Variants in TNFSF9 observed in about 807,000 individuals in gnomAD.
The protein encoded by TNFSF9 is TNF superfamily member 9, also known as tumor necrosis factor ligand superfamily member 9.
A neutral mutation model predicts 10.3 loss-of-function variants in TNFSF9; 10 were observed. That is an observed-to-expected ratio of 0.97 (90% CI 0.60 to 1.65). The LOEUF (loss-of-function observed/expected upper bound fraction) is 1.65. TNFSF9 is among the 40% of genes most tolerant of loss of function. The pLI, the probability that TNFSF9 is intolerant of heterozygous loss-of-function variation, is 0.00. For missense variants in TNFSF9, 361 were observed against 348.9 expected (o/e 1.03, Z -0.28); for synonymous variants, 195 against 176.1 (o/e 1.11, Z -0.85).
rs199791725 is a variant in TNFSF9 at position 6,531,208 on chromosome 19, G to A, written c.172G>A (p.Ala58Thr). The change falls in exon 1 of 3, where the codon GCT (alanine) becomes ACT (threonine). Residue 58 changes from alanine (A) to threonine (T), a missense_variant. Physicochemically the swap from Ala to Thr is moderately conservative, Grantham distance 58. Transcript: ENST00000245817. ...FLACPWAVSGARASPGSAASP... is the reference protein window; with the variant it reads ...FLACPWAVSGTRASPGSAASP... ...CGCCTGCCCCTGGGCCGTGTCCGGG[G>A]CTCGCGCCTCGCCCGGCTCCGCGGC... The A allele has an allele frequency of 2.4e-5, 37 of 1,543,826 alleles. No homozygotes were observed. The highest frequency in any genetic ancestry group is 3.2e-5 in the Non-Finnish European group (37 of 1,148,602).
Position 6,534,837 on chromosome 19 carries a change from T to C in TNFSF9, c.536T>C (p.Leu179Pro), listed in dbSNP as rs1384609222. Residue 179 changes from leucine to proline, a missense_variant, in exon 3 of 3, where the codon CTG becomes CCG. Transcript: ENST00000245817. Reference protein sequence around the residue: ...PLRSAAGAAALALTVDLPPAS... With the variant: ...PLRSAAGAAAPALTVDLPPAS... The stretch of plus-strand genomic sequence containing the variant: ...CGCTCTGCTGCTGGGGCCGCCGCCC[T>C]GGCTTTGACCGTGGACCTGCCACCC... 4 of 1,606,828 alleles carry C rather than the reference T, an allele frequency of 2.5e-6. No individual in the cohort carries two copies. Among genetic ancestry groups the C allele is most frequent in the South Asian group, 2.2e-5 (2 of 90,384 alleles).
chr19:6,534,639 C>T lies in TNFSF9; in HGVS notation c.338C>T (p.Pro113Leu), dbSNP rs377044973. 1.3e-6 allele frequency: 2 copies of T among 1,584,986 alleles called. No individual in the cohort carries two copies. Among genetic ancestry groups the T allele is most frequent in the Non-Finnish European group, 1.7e-6 (2 of 1,166,202 alleles). ...IDGPLSWYSD[P>L]GLAGVSLTGG... ...GGGCCCCTGAGCTGGTACAGTGACC[C>T]AGGCCTGGCAGGCGTGTCCCTGACG... The change falls in exon 3 of 3, where the codon CCA (proline) becomes CTA (leucine). Residue 113 changes from proline to leucine, a missense_variant. Coordinates refer to ENST00000245817, the MANE Select transcript of TNFSF9 (RefSeq NM_003811.4).
At chr19:6,534,503 T>G in intron 2 of TNFSF9, 97 bp from the exon 3 acceptor site, 1 of 1,160,368 alleles carries the variant, frequency 8.6e-7, no homozygotes, top group Non-Finnish European at 1.1e-6. Flanking sequence ...GACCCGTTCT[T>G]TTCTCCCAGG....
At chr19:6,532,526 C>T (rs1915171366) in intron 1 of TNFSF9, among the ~76,000 whole-genome samples, 1 of 134,244 alleles carries the variant, frequency 7.4e-6, no homozygotes. Flanking sequence ...TGTTTGCGTT[C>T]GTGTGTGTGT....
intron 2 of TNFSF9, 146 bp downstream of exon 2, chr19:6,532,962 C>G (rs1407451102): frequency 1.7e-6 from 2 of 1,172,468 alleles, no homozygotes; most frequent in Admixed American, 3.8e-5. Context: ...GCTACTTCCC[C>G]TCTTTGAACG....
At position 6,535,758 on chromosome 19, in the gene TNFSF9, G is replaced by A. The variant is rs1053104761; in HGVS notation, c.*692G>A. The A allele has an allele frequency of 2.6e-5, 4 of 152,062 alleles. No homozygotes were observed. Among genetic ancestry groups the A allele is most frequent in the Non-Finnish European group, 4.4e-5 (3 of 68,022 alleles). 9.4% of individuals were successfully genotyped at this position (152,062 alleles called of 1,614,324 possible). On this transcript the variant is annotated 3_prime_UTR_variant, in exon 3 of 3. Transcript: ENST00000245817. ...ATGCAGCCTCCAGCCTCGACCTCCC[G>A]AGGCTCAGGTGATCCTCCCATCTCA...
At position 6,534,892 on chromosome 19, in the gene TNFSF9, C is replaced by T. The variant is rs375425240; in HGVS notation, c.591C>T (p.Phe197=). Residue 197 remains phenylalanine, a synonymous_variant, in exon 3 of 3, where the codon TTC becomes TTT. Coordinates refer to ENST00000245817, the MANE Select transcript of TNFSF9 (RefSeq NM_003811.4). The part of the protein sequence containing the change: ...PASSEARNSA[F]GFQGRLLHLS... ...CCTCCGAGGCTCGGAACTCGGCCTT[C>T]GGTTTCCAGGGCCGCTTGCTGCACC... is the stretch of plus-strand genomic sequence containing the variant. 2.7e-5 allele frequency: 44 copies of T among 1,607,880 alleles called. No homozygotes were observed. Among genetic ancestry groups the T allele is most frequent in the East Asian group, 1.3e-4 (6 of 44,842 alleles).
intron 2 of TNFSF9, among the ~76,000 whole-genome samples, chr19:6,534,060 CTTCCT>C (rs1371869887): frequency 2.2e-5 from 1 of 45,030 alleles, no homozygotes; most frequent in Non-Finnish European, 7.1e-5. Context: ...CTCCCCTTTC[CTTCCT>C]TCTCTCCCTT....
rs372002196 is a variant in TNFSF9, at chr19:6,532,049, A to G, written c.268-737A>G. On this transcript the variant is annotated intron_variant, in intron 1 of 2. Coordinates refer to ENST00000245817, the MANE Select transcript of TNFSF9 (RefSeq NM_003811.4). ...GGGGGGAACCTTTTTTCCATCCCCG[A>G]TCCGAGGGGGGCACTTCCTCTTTAT... Among the ~76,000 whole-genome samples the G allele has an allele frequency of 4.4e-3, 670 of 152,088 alleles. 7 individuals are homozygous for G. Among genetic ancestry groups the G allele is most frequent in the African/African-American group, 0.015 (636 of 41,506 alleles).
intron 1 of TNFSF9, 94 bp downstream of exon 1, chr19:6,531,397 C>T: frequency 6.6e-6 from 9 of 1,362,980 alleles, no homozygotes; most frequent in Non-Finnish European, 8.5e-6. Flanking sequence ...CCCAGGGACA[C>T]CTGTTCTACA....
In TNFSF9 at chr19:6,534,943, C is replaced by A; in HGVS notation, c.642C>A (p.Val214=). 1 of 1,611,280 alleles carries A rather than the reference C, an allele frequency of 6.2e-7. No individual in the cohort carries two copies. Among genetic ancestry groups the A allele is most frequent in the Non-Finnish European group, 8.5e-7 (1 of 1,179,608 alleles). ...LHLSAGQRLG[V]HLHTEARARH... is the part of the protein sequence containing the mutation. ...TGAGTGCCGGCCAGCGCCTGGGCGT[C>A]CATCTTCACACTGAGGCCAGGGCAC... Residue 214 remains valine, a synonymous_variant, in exon 3 of 3, where the codon GTC becomes GTA. Coordinates refer to ENST00000245817, the MANE Select transcript of TNFSF9 (RefSeq NM_003811.4).
At position 6,534,766 on chromosome 19, in the gene TNFSF9, C is replaced by T. The variant is rs924891647; in HGVS notation, c.465C>T (p.Gly155=). 18 of 1,598,670 alleles carry T rather than the reference C, an allele frequency of 1.1e-5. No individual in the cohort carries two copies. Among genetic ancestry groups the T allele is most frequent in the East Asian group, 4.5e-5 (2 of 44,162 alleles). ...FQLELRRVVA[G]EGSGSVSLAL... The stretch of plus-strand genomic sequence containing the variant: ...TAGAGCTGCGGCGCGTGGTGGCCGG[C>T]GAGGGCTCAGGCTCCGTTTCACTTG... Residue 155 remains glycine, a synonymous_variant, in exon 3 of 3, where the codon GGC becomes GGT. Transcript: ENST00000245817.
At position 6,534,662 on chromosome 19, in the gene TNFSF9, A is replaced by C. The variant is rs906719413; in HGVS notation, c.361A>C (p.Thr121Pro). ...CCCAGGCCTGGCAGGCGTGTCCCTG[A>C]CGGGGGGCCTGAGCTACAAAGAGGA... is the stretch of plus-strand genomic sequence containing the variant. Reference protein sequence around the residue: ...SDPGLAGVSLTGGLSYKEDTK... With the variant: ...SDPGLAGVSLPGGLSYKEDTK... Residue 121 changes from threonine to proline, a missense_variant, in exon 3 of 3, where the codon ACG (threonine) becomes CCG (proline). Transcript: ENST00000245817. 1 of 1,590,434 alleles carries C rather than the reference A, an allele frequency of 6.3e-7. No homozygotes were observed. The highest frequency in any genetic ancestry group is 8.6e-7 in the Non-Finnish European group (1 of 1,169,130).
chr19:6,532,503 TTG>T (rs939690095), intron 1 of TNFSF9, among the ~76,000 whole-genome samples: 2 of 143,980 alleles, frequency 1.4e-5, no homozygotes, highest in Admixed American at 6.9e-5. Flanking sequence ...GTGTGGGTGT[TTG>T]TGTGTGTTTG....
At chr19:6,534,485 C>G (rs986362520) in intron 2 of TNFSF9, 115 bp from the exon 3 acceptor site, 2 of 1,058,282 alleles carry the variant, frequency 1.9e-6, no homozygotes, top group African/African-American at 3.3e-5. Context: ...CCCCGCCCCC[C>G]GGCCCCTGAC....
intron 1 of TNFSF9, 148 bp downstream of exon 1, chr19:6,531,451 A>G: frequency 8.4e-7 from 1 of 1,188,802 alleles, no homozygotes; most frequent in Admixed American, 4.0e-5. Flanking sequence ...CCCATTCTCC[A>G]TCTAGCACCG....
At position 6,534,986 on chromosome 19, in the gene TNFSF9, A is replaced by G; in HGVS notation, c.685A>G (p.Thr229Ala). ...CAGGGCACGCCATGCCTGGCAGCTT[A>G]CCCAGGGCGCCACAGTCTTGGGACT... ...EARARHAWQL[T>A]QGATVLGLFR... Residue 229 changes from threonine to alanine, a missense_variant, in exon 3 of 3, where the codon ACC (threonine) becomes GCC (alanine). Thr to Ala is a moderately conservative substitution (Grantham distance 58, BLOSUM62 0). Transcript: ENST00000245817. 1.2e-6 allele frequency: 2 copies of G among 1,610,402 alleles called. No individual in the cohort carries two copies. Among genetic ancestry groups the G allele is most frequent in the Non-Finnish European group, 1.7e-6 (2 of 1,178,510 alleles).
In TNFSF9 at chr19:6,535,138, C is replaced by T. The variant is rs1475368340; in HGVS notation, c.*72C>T. On this transcript the variant is annotated 3_prime_UTR_variant, in exon 3 of 3. Coordinates refer to ENST00000245817, the MANE Select transcript of TNFSF9 (RefSeq NM_003811.4). ...CCATCCTTCATGGAGACCCCTGGTG[C>T]TGGGTCCCTGCTGCTTTCTCTACCT... 2 of 1,413,156 alleles carry T rather than the reference C, an allele frequency of 1.4e-6. No individual in the cohort carries two copies. Among genetic ancestry groups the T allele is most frequent in the Non-Finnish European group, 1.9e-6 (2 of 1,075,374 alleles). The allele number at this position is 1,413,156 out of a possible 1,614,324, so 87.5% of individuals were successfully genotyped here.
rs1047364125 is a variant in TNFSF9 at position 6,531,221 on chromosome 19, C to T, written c.185C>T (p.Pro62Leu). The change falls in exon 1 of 3, where the codon CCC becomes CTC. Residue 62 changes from proline (P) to leucine (L), a missense_variant. Transcript: ENST00000245817. ...PWAVSGARAS[P>L]GSAASPRLRE... is the part of the protein sequence containing the mutation. Reference sequence around the variant, plus strand: ...GCCGTGTCCGGGGCTCGCGCCTCGCCCGGCTCCGCGGCCAGCCCGAGACTC... The same window carrying T: ...GCCGTGTCCGGGGCTCGCGCCTCGCTCGGCTCCGCGGCCAGCCCGAGACTC... The T allele has an allele frequency of 6.5e-6, 10 of 1,534,882 alleles. No homozygotes were observed. Among genetic ancestry groups the T allele is most frequent in the Admixed American group, 4.1e-5 (2 of 48,546 alleles).
Sources: gnomAD v4.1 joint callset for allele counts (sites outside exome capture counted in the v4.1 genomes callset) on GRCh38, gnomAD v4.1.1 for gene constraint, MANE v1.5 for transcripts, NCBI Gene and HGNC (gene_info 2026-07-23, HGNC 2026-07-21) for gene names.